Variants in HECTD2 observed in about 807,000 individuals in gnomAD.
HECTD2 encodes the protein HECT domain E3 ubiquitin protein ligase 2.
Under a neutral mutation model 103.2 loss-of-function variants are expected in HECTD2, and 35 were observed. That is an observed-to-expected ratio of 0.34 (90% confidence interval 0.26 to 0.45). HECTD2 has a LOEUF of 0.45. Ranked by LOEUF, HECTD2 falls within the 20% of genes least tolerant of loss-of-function variation. The pLI is 1.00. For missense variants in HECTD2, 596 were observed against 937.4 expected (o/e 0.64, Z 4.76); for synonymous variants, 281 against 329.9 (o/e 0.85, Z 1.61).
At chr10:91,462,799 A>G (rs899359599) in intron 5 of HECTD2, 4 of 979,732 alleles carry the variant, frequency 4.1e-6, no homozygotes, top group Non-Finnish European at 4.8e-6. Context: ...TTTGAGAACC[A>G]TACTGCTATA....
At chr10:91,411,720 A>G (rs1842922795) in intron 1 of HECTD2, among the ~76,000 whole-genome samples, 1 of 152,238 alleles carries the variant, frequency 6.6e-6, no homozygotes, top group South Asian at 2.1e-4. Flanking sequence ...GTAATGATAC[A>G]CGTTTAAAAG....
intron 1 of HECTD2, among the ~76,000 whole-genome samples, chr10:91,412,188 A>G (rs141537605): frequency 6.6e-6 from 1 of 152,302 alleles, no homozygotes; most frequent in African/African-American, 2.4e-5. Flanking sequence ...AACTGTAATG[A>G]AATTATGTGT....
chr10:91,501,157 A>G (rs1846886135), intron 19 of HECTD2, 34 bp from the exon 20 acceptor site: 2 of 1,585,016 alleles, frequency 1.3e-6, no homozygotes, highest in African/African-American at 1.4e-5. Context: ...TTTTGTCAAG[A>G]CATTTGATGT....
intron 4 of HECTD2, among the ~76,000 whole-genome samples, chr10:91,461,560 T>C (rs141512971): frequency 1.3e-5 from 2 of 152,208 alleles, no homozygotes; most frequent in African/African-American, 4.8e-5. Flanking sequence ...TTGTTTTGTT[T>C]TGTTTTGAGA....
Position 91,498,828 on chromosome 10 carries a change from A to G in HECTD2, c.1756-44A>G, listed in dbSNP as rs375133745. 3.2e-5 allele frequency: 38 copies of G among 1,172,678 alleles called. No individual in the cohort carries two copies. The African/African-American group carries it at 4.5e-4, about 14-fold the overall frequency. 72.6% of individuals were successfully genotyped at this position (1,172,678 alleles called of 1,614,324 possible). A position where few individuals can be genotyped will look rare whatever the true frequency, so the allele number is the denominator to read the frequency against. On this transcript the variant is annotated intron_variant, in intron 16 of 20. Transcript: ENST00000298068. ...ACAAACCTGTTCACCAAAGTATGTTATTATATCAACCATATTAATATGTGT... is the reference window on the plus strand; with the variant it reads ...ACAAACCTGTTCACCAAAGTATGTTGTTATATCAACCATATTAATATGTGT...
At chr10:91,507,030 A>T (rs1312919701) in intron 20 of HECTD2, among the ~76,000 whole-genome samples, 1 of 152,198 alleles carries the variant, frequency 6.6e-6, no homozygotes, top group Non-Finnish European at 1.5e-5. Flanking sequence ...AAACCACATG[A>T]TTATCTCAAC....
intron 19 of HECTD2, 145 bp downstream of exon 19, chr10:91,500,762 G>A (rs1846868787): frequency 2.2e-6 from 1 of 455,958 alleles, no homozygotes; most frequent in South Asian, 6.4e-5. Flanking sequence ...TTTATCTCTG[G>A]AAAGTCTATG....
chr10:91,444,506 G>GAATT (rs1844510176), intron 2 of HECTD2, among the ~76,000 whole-genome samples: 1 of 152,128 alleles, frequency 6.6e-6, no homozygotes, highest in African/African-American at 2.4e-5. Flanking sequence ...AATGGAACTT[G>GAATT]AATTAGAAAG....
intron 2 of HECTD2, among the ~76,000 whole-genome samples, chr10:91,450,544 G>A (rs1489855158): frequency 6.6e-6 from 1 of 152,058 alleles, no homozygotes; most frequent in Admixed American, 6.6e-5. Flanking sequence ...TTAAACTAAA[G>A]AGCTTCTAAA....
At chr10:91,462,563 A>T (rs1845393049) in intron 5 of HECTD2, 1 of 1,022,206 alleles carries the variant, frequency 9.8e-7, no homozygotes, top group Non-Finnish European at 1.2e-6. Context: ...TTTCAGATTC[A>T]GTAGGTCTTG....
chr10:91,460,595 T>TAGTC, intron 3 of HECTD2, 30 bp downstream of exon 3: 1 of 1,587,526 alleles, frequency 6.3e-7, no homozygotes, highest in Non-Finnish European at 8.6e-7. Context: ...TGTAAATGTA[T>TAGTC]AGTCATCTGC....
intron 2 of HECTD2, among the ~76,000 whole-genome samples, chr10:91,439,587 A>C (rs1330789188): frequency 6.6e-6 from 1 of 152,174 alleles, no homozygotes; most frequent in African/African-American, 2.4e-5. Flanking sequence ...TTCCACATGA[A>C]ACGTAAAGTA....
At chr10:91,490,828 T>C (rs926569386) in intron 11 of HECTD2, among the ~76,000 whole-genome samples, 1 of 140,006 alleles carries the variant, frequency 7.1e-6, no homozygotes, top group Non-Finnish European at 1.5e-5. Flanking sequence ...GAGGCGGAGC[T>C]TGCAGTGAGC....
intron 2 of HECTD2, among the ~76,000 whole-genome samples, chr10:91,427,904 T>G (rs376869282): frequency 1.9e-4 from 29 of 151,650 alleles, no homozygotes; most frequent in East Asian, 3.9e-4. Context: ...GTCAATTTTG[T>G]CTTTTGTTGC....
At chr10:91,456,722 A>G (rs1296118371) in intron 2 of HECTD2, among the ~76,000 whole-genome samples, 1 of 152,100 alleles carries the variant, frequency 6.6e-6, no homozygotes, top group Non-Finnish European at 1.5e-5. Flanking sequence ...TTTGTCATAA[A>G]TAGCTCTTAT....
At chr10:91,509,037 C>T (rs1847313814) in intron 20 of HECTD2, among the ~76,000 whole-genome samples, 1 of 149,170 alleles carries the variant, frequency 6.7e-6, no homozygotes, top group Non-Finnish European at 1.5e-5. Flanking sequence ...AAAAACCAAA[C>T]ACCGCATATT....
At chr10:91,500,410 G>T in intron 18 of HECTD2, 92 bp from the exon 19 acceptor site, 10 of 415,448 alleles carry the variant, frequency 2.4e-5, no homozygotes, top group East Asian at 2.1e-4. Flanking sequence ...GAGAAATCAT[G>T]ACTTTTGTGA....
At chr10:91,455,800 G>T (rs1175086312) in intron 2 of HECTD2, among the ~76,000 whole-genome samples, 1 of 152,122 alleles carries the variant, frequency 6.6e-6, no homozygotes, top group Non-Finnish European at 1.5e-5. Context: ...TGGCTAGCCA[G>T]TTTTCCCAGC....
At chr10:91,484,708 G>A (rs1846206562) in intron 9 of HECTD2, 53 bp downstream of exon 9, 4 of 1,400,990 alleles carry the variant, frequency 2.9e-6, no homozygotes, top group African/African-American at 2.9e-5. Context: ...ACATTTTAGG[G>A]ATATTTCTTA....
Sources: gnomAD v4.1 joint callset for allele counts (sites outside exome capture counted in the v4.1 genomes callset) on GRCh38, gnomAD v4.1.1 for gene constraint, MANE v1.5 for transcripts, NCBI Gene and HGNC (gene_info 2026-07-23, HGNC 2026-07-21) for gene names.